The following EHBP1L1 variants were observed in gnomAD, a reference collection of about 807,000 sequenced individuals.
The protein encoded by EHBP1L1 is EH domain-binding protein 1-like protein 1.
Under a neutral mutation model 151.1 loss-of-function variants are expected in EHBP1L1, and 122 were observed. The observed-to-expected ratio is 0.81, with a 90% CI of 0.70 to 0.94. The LOEUF (loss-of-function observed/expected upper bound fraction) is 0.94. Among genes scored for constraint, EHBP1L1 ranks in the 40% least tolerant of loss-of-function variants. The pLI, the probability that EHBP1L1 is intolerant of heterozygous loss-of-function variation, is 0.00. For missense variants in EHBP1L1, 1,941 were observed against 1,959.8 expected, an observed-to-expected ratio of 0.99 and a Z score of 0.18; for synonymous variants, 878 against 810.1, an observed-to-expected ratio of 1.08 and a Z score of -1.42.
At chr11:65,591,773 C>A (rs1565135205) in intron 16 of EHBP1L1, 27 bp from the exon 17 acceptor site, 4 of 1,094,488 alleles carry the variant, frequency 3.7e-6, no homozygotes, top group Non-Finnish European at 5.4e-6. Context: ...GCCACCCCCC[C>A]GCCACCCACC....
At position 65,581,526 on chromosome 11, in the gene EHBP1L1, G is replaced by C. The variant is rs759082904; in HGVS notation, c.867-13G>C. 8.1e-6 allele frequency: 12 copies of C among 1,477,384 alleles called. No individual in the cohort carries two copies. The East Asian group carries it at 2.4e-4, about 30-fold the overall frequency. The allele number at this position is 1,477,384 out of a possible 1,614,324, so 91.5% of individuals were successfully genotyped here. On this transcript the variant is annotated splice_polypyrimidine_tract_variant and intron_variant, in intron 8 of 18. Coordinates refer to ENST00000309295, the MANE Select transcript of EHBP1L1 (RefSeq NM_001099409.3). ...AAGCAGCCCCCCAACTCCCCCTCCT[G>C]CTCTCTTCTCAGGTCTTCAAGGCAG...
At chr11:65,590,814 T>C (rs1858235154) in intron 16 of EHBP1L1, among the ~76,000 whole-genome samples, 1 of 151,958 alleles carries the variant, frequency 6.6e-6, no homozygotes, top group Non-Finnish European at 1.5e-5. Flanking sequence ...GGCAGGCGGA[T>C]CATCTGAGGT....
intron 8 of EHBP1L1, 77 bp downstream of exon 8, chr11:65,581,450 C>T: frequency 7.0e-7 from 1 of 1,435,174 alleles, no homozygotes; most frequent in East Asian, 2.5e-5. Context: ...AACCTGCCTC[C>T]AGGGCCCCAA....
rs746280822 is a variant in EHBP1L1, at chr11:65,583,353, G to A, written c.2681G>A (p.Gly894Glu). 1 of 1,613,568 alleles carries A rather than the reference G, an allele frequency of 6.2e-7. No homozygotes were observed. The highest frequency in any genetic ancestry group is 8.5e-7 in the Non-Finnish European group (1 of 1,179,718). ...GTCCAGGAAGCAGAGACTAGAGTTG[G>A]GAGTGCTCTCAAATATGAGGCTTTA... The part of the protein sequence containing the change: ...SGVQEAETRV[G>E]SALKYEALRA... Residue 894 changes from glycine to glutamate, a missense_variant, in exon 9 of 19, where the codon GGG becomes GAG. By Grantham distance (98) the Gly-to-Glu change is moderately conservative. Coordinates refer to ENST00000309295, the MANE Select transcript of EHBP1L1 (RefSeq NM_001099409.3).
At position 65,589,798 on chromosome 11, in the gene EHBP1L1, T is replaced by G. The variant is rs1251319336; in HGVS notation, c.3981T>G (p.Ala1327=). The change falls in exon 13 of 19, where the codon GCT becomes GCG. Residue 1327 remains alanine (A), a synonymous_variant. Coordinates refer to ENST00000309295, the MANE Select transcript of EHBP1L1 (RefSeq NM_001099409.3). The stretch of plus-strand genomic sequence containing the variant: ...GCCCTGCCCCAGGCCCACCCACAGC[T>G]GCAGACTCTCAACAGCCCCCTGGTG... ...DPSPAPGPPT[A]ADSQQPPGGS... 1 of 1,563,094 alleles carries G rather than the reference T, an allele frequency of 6.4e-7. No individual in the cohort carries two copies. The highest frequency in any genetic ancestry group is 1.9e-5 in the Admixed American group (1 of 52,132).
chr11:65,580,906 G>T (rs1189459251), intron 6 of EHBP1L1, 152 bp from the exon 7 acceptor site: 5 of 1,432,726 alleles, frequency 3.5e-6, no homozygotes, highest in Non-Finnish European at 4.6e-6. Flanking sequence ...CTCCACATCT[G>T]TGGGCCTGTC....
rs369201671 is a variant in EHBP1L1 at position 65,589,127 on chromosome 11, G to A, written c.3934-624G>A. Among the ~76,000 whole-genome samples, 22 of 152,316 alleles carry A rather than the reference G, an allele frequency of 1.4e-4. No individual in the cohort carries two copies. In the East Asian group the frequency reaches 3.7e-3, roughly 25 times the overall value. ...ATTCCATGGAAGAGGAGTCGAGGCCGGGCGTGGTGGCTCACACCTGTAATC... is the reference window on the plus strand; with the variant it reads ...ATTCCATGGAAGAGGAGTCGAGGCCAGGCGTGGTGGCTCACACCTGTAATC... On this transcript the variant is annotated intron_variant, in intron 12 of 18. Transcript: ENST00000309295.
intron 16 of EHBP1L1, 194 bp from the exon 17 acceptor site, chr11:65,591,606 A>C: frequency 1.6e-6 from 1 of 628,924 alleles, no homozygotes. Flanking sequence ...AACACCCAGC[A>C]ATTGGAGAAA....
At chr11:65,584,045 A>G (rs1857795228) in intron 9 of EHBP1L1, 196 bp from the exon 10 acceptor site, 10 of 1,415,136 alleles carry the variant, frequency 7.1e-6, no homozygotes, top group Non-Finnish European at 8.2e-6. Context: ...GGGGCCACTG[A>G]CCTTTTAGGT....
At chr11:65,584,725 C>G (rs970876104) in intron 11 of EHBP1L1, 191 bp downstream of exon 11, 1 of 1,027,308 alleles carries the variant, frequency 9.7e-7, no homozygotes, top group South Asian at 1.6e-5. Context: ...CGTTTTTCCT[C>G]CCTTAGATGG....
At chr11:65,589,440 T>C (rs183935515) in intron 12 of EHBP1L1, among the ~76,000 whole-genome samples, 105 of 152,126 alleles carry the variant, frequency 6.9e-4, no homozygotes, top group Admixed American at 3.1e-3. Flanking sequence ...CTTCACAGGC[T>C]CTCATCCTGT....
At position 65,581,617 on chromosome 11, in the gene EHBP1L1, C is replaced by T; in HGVS notation, c.945C>T (p.Pro315=). 1.9e-6 allele frequency: 3 copies of T among 1,539,684 alleles called. No homozygotes were observed. Among genetic ancestry groups the T allele is most frequent in the South Asian group, 2.4e-5 (2 of 82,452 alleles). Residue 315 remains proline, a synonymous_variant, in exon 9 of 19, where the codon CCC becomes CCT. Transcript: ENST00000309295. Reference sequence around the variant, plus strand: ...GGAAAGGCTCTGATGCCCTCCGGCCCCCAGTCCCCCAGGGGGAAGATGAGG... The same window carrying T: ...GGAAAGGCTCTGATGCCCTCCGGCCTCCAGTCCCCCAGGGGGAAGATGAGG... ...RLRKGSDALR[P]PVPQGEDEVP...
intron 12 of EHBP1L1, among the ~76,000 whole-genome samples, chr11:65,589,282 A>C (rs972521325): frequency 6.6e-6 from 1 of 152,108 alleles, no homozygotes; most frequent in Admixed American, 6.5e-5. Context: ...GCGGGTGGCT[A>C]CTTGGGAGGC....
rs1350923514 is a variant in EHBP1L1 at position 65,592,265 on chromosome 11, G to A, written c.4535G>A (p.Arg1512Gln). The change falls in exon 19 of 19, where the codon CGG becomes CAG. Residue 1512 changes from arginine (R) to glutamine (Q), a missense_variant. Coordinates refer to ENST00000309295, the MANE Select transcript of EHBP1L1 (RefSeq NM_001099409.3). The part of the protein sequence containing the change: ...GLEQRRRKLS[R>Q]QLSRRERCVL... ...GAACAGCGGCGCCGCAAGCTGAGCCGGCAGTTGAGCCGGCGGGAGCGCTGC... is the reference window on the plus strand; with the variant it reads ...GAACAGCGGCGCCGCAAGCTGAGCCAGCAGTTGAGCCGGCGGGAGCGCTGC... 1 of 1,532,128 alleles carries A rather than the reference G, an allele frequency of 6.5e-7. No homozygotes were observed. Among genetic ancestry groups the A allele is most frequent in the Non-Finnish European group, 8.7e-7 (1 of 1,145,542 alleles). 94.9% of individuals were successfully genotyped at this position (1,532,128 alleles called of 1,614,324 possible).
At position 65,591,889 on chromosome 11, in the gene EHBP1L1, A is replaced by T; in HGVS notation, c.4357+16A>T. The T allele has an allele frequency of 6.2e-7, 1 of 1,600,954 alleles. No individual in the cohort carries two copies. The highest frequency in any genetic ancestry group is 8.5e-7 in the Non-Finnish European group (1 of 1,173,690). The stretch of plus-strand genomic sequence containing the variant: ...GCCATCGAAGGTGGGACATGGGCTC[A>T]GGGGCCGGGAGGCAAGACAGAGCCA... On this transcript the variant is annotated intron_variant, in intron 17 of 18. Coordinates refer to ENST00000309295, the MANE Select transcript of EHBP1L1 (RefSeq NM_001099409.3).
Position 65,576,337 on chromosome 11 carries a change from G to T in EHBP1L1, c.35G>T (p.Gly12Val). The change falls in exon 1 of 19, where the codon GGC (glycine) becomes GTC (valine). Residue 12 changes from glycine (G) to valine (V), a missense_variant. By Grantham distance (109) the Gly-to-Val change is moderately radical (BLOSUM62 -3). Transcript: ENST00000309295. ...TSVWKRLQRV[G>V]KRAAKFQFVA... The stretch of plus-strand genomic sequence containing the variant: ...GTGTGGAAGCGCCTGCAGCGCGTGG[G>T]CAAGCGGGCGGCCAAGTTCCAGTTC... 2 of 1,598,858 alleles carry T rather than the reference G, an allele frequency of 1.3e-6. No individual in the cohort carries two copies. The highest frequency in any genetic ancestry group is 1.7e-6 in the Non-Finnish European group (2 of 1,173,476).
At position 65,582,215 on chromosome 11, in the gene EHBP1L1, G is replaced by A. The variant is rs758052033; in HGVS notation, c.1543G>A (p.Ala515Thr). Reference sequence around the variant, plus strand: ...AGAGGGTGCAGAAGTGAGGGGTGGAGCACCTGGTATTGAGGGGACAGGCCT... The same window carrying A: ...AGAGGGTGCAGAAGTGAGGGGTGGAACACCTGGTATTGAGGGGACAGGCCT... ...EREGAEVRGGAPGIEGTGLEQ... is the reference protein window; with the variant it reads ...EREGAEVRGGTPGIEGTGLEQ... Residue 515 changes from alanine to threonine, a missense_variant, in exon 9 of 19, where the codon GCA becomes ACA. By Grantham distance (58) the Ala-to-Thr change is moderately conservative. Coordinates refer to ENST00000309295, the MANE Select transcript of EHBP1L1 (RefSeq NM_001099409.3). 72 of 1,533,736 alleles carry A rather than the reference G, an allele frequency of 4.7e-5. 1 individual carries two copies. In the East Asian group the frequency reaches 1.5e-3, roughly 32 times the overall value.
At chr11:65,578,357 C>G (rs11604423) in intron 1 of EHBP1L1, 88,835 of 152,370 alleles carry the variant, frequency 0.58, 28,422 homozygotes, top group Non-Finnish European at 0.68. Context: ...AACTCTCTGC[C>G]CCTCTCTCTG....
rs748564593 is a variant in EHBP1L1, at chr11:65,582,005, G to T, written c.1333G>T (p.Val445Leu). 4 of 1,613,782 alleles carry T rather than the reference G, an allele frequency of 2.5e-6. No individual in the cohort carries two copies. The highest frequency in any genetic ancestry group is 2.2e-5 in the East Asian group (1 of 44,890). Reference protein sequence around the residue: ...VDTKGPEATGVMPEARCRGTP... With the variant: ...VDTKGPEATGLMPEARCRGTP... ...CACTAAGGGACCAGAGGCGACAGGG[G>T]TGATGCCTGAGGCAAGATGCAGGGG... Residue 445 changes from valine (V) to leucine (L), a missense_variant, in exon 9 of 19, where the codon GTG (valine) becomes TTG (leucine). Physicochemically the swap from Val to Leu is conservative, Grantham distance 32. Coordinates refer to ENST00000309295, the MANE Select transcript of EHBP1L1 (RefSeq NM_001099409.3).
Sources: allele counts gnomAD v4.1 joint callset (sites outside exome capture counted in the v4.1 genomes callset), GRCh38; gene constraint gnomAD v4.1.1; transcripts MANE v1.5; gene names NCBI Gene and HGNC (gene_info 2026-07-23, HGNC 2026-07-21).